PLB1: variants seen among roughly 807,000 people sequenced by gnomAD.
The protein encoded by PLB1 is phospholipase B1.
Under a neutral mutation model 227.4 loss-of-function variants are expected in PLB1, and 242 were observed. That is an observed-to-expected ratio of 1.06 (90% CI 0.96 to 1.18). PLB1 has a LOEUF of 1.18. PLB1 is among the 50% of genes most tolerant of loss of function. The pLI is 0.00. For missense variants in PLB1, 1,858 were observed against 1,816.3 expected (o/e 1.02, Z -0.42); for synonymous variants, 757 against 682.2 (o/e 1.11, Z -1.71).
chr2:28,592,528 T>C, intron 31 of PLB1, 133 bp from the exon 32 acceptor site: 1 of 866,572 alleles, frequency 1.2e-6, no homozygotes, highest in Non-Finnish European at 2.0e-6. Flanking sequence ...TCCATGGCAC[T>C]GTGCACACCC....
intron 18 of PLB1, 147 bp from the exon 19 acceptor site, chr2:28,565,133 T>C (rs1205280459): frequency 1.6e-6 from 1 of 633,560 alleles, no homozygotes; most frequent in South Asian, 1.9e-5. Context: ...AGGATACATA[T>C]GGAGACATGG....
chr2:28,643,179 G>T lies in PLB1; in HGVS notation c.*118G>T. ...ATGCCTGGTGCCATAGGAAGCCCAGGGGACAGTCACAACTTCTTGGGGCCT... is the reference window on the plus strand; with the variant it reads ...ATGCCTGGTGCCATAGGAAGCCCAGTGGACAGTCACAACTTCTTGGGGCCT... On this transcript the variant is annotated 3_prime_UTR_variant, in exon 58 of 58. Transcript: ENST00000327757. The T allele has an allele frequency of 1.0e-6, 1 of 997,952 alleles. No homozygotes were observed. The allele number at this position is 997,952 out of a possible 1,614,324, so 61.8% of individuals were successfully genotyped here. A position where few individuals can be genotyped will look rare whatever the true frequency, so the allele number is the denominator to read the frequency against.
At chr2:28,584,357 G>A (rs1486403568) in intron 25 of PLB1, among the ~76,000 whole-genome samples, 1 of 152,256 alleles carries the variant, frequency 6.6e-6, no homozygotes, top group Non-Finnish European at 1.5e-5. Flanking sequence ...GCAGAGACAG[G>A]ATGGTTGCTT....
chr2:28,641,109 C>A, intron 57 of PLB1, 108 bp downstream of exon 57: 2 of 998,536 alleles, frequency 2.0e-6, no homozygotes, highest in Non-Finnish European at 2.9e-6. Flanking sequence ...TCAAATGCGG[C>A]TTCACTCACT....
intron 4 of PLB1, among the ~76,000 whole-genome samples, chr2:28,523,985 C>A (rs1669887589): frequency 1.3e-5 from 2 of 152,180 alleles, no homozygotes; most frequent in African/African-American, 4.8e-5. Context: ...TTGTTTGTCT[C>A]CCTGGGAGAT....
At chr2:28,552,550 T>C (rs146835364) in intron 16 of PLB1, among the ~76,000 whole-genome samples, 53 of 152,296 alleles carry the variant, frequency 3.5e-4, no homozygotes, top group African/African-American at 1.1e-3. Context: ...CCTGCCTTCA[T>C]TGAGAACTTG....
At chr2:28,550,507 A>C (rs777967195) in intron 16 of PLB1, among the ~76,000 whole-genome samples, 1 of 144,354 alleles carries the variant, frequency 6.9e-6, no homozygotes. Context: ...AACTGGCCAG[A>C]TTTGCAACCT....
At chr2:28,542,218 C>G (rs1672608550) in intron 13 of PLB1, among the ~76,000 whole-genome samples, 1 of 152,190 alleles carries the variant, frequency 6.6e-6, no homozygotes, top group South Asian at 2.1e-4. Context: ...CCACCTTACC[C>G]CAATAAGCCT....
intron 6 of PLB1, among the ~76,000 whole-genome samples, chr2:28,528,297 TGGG>T (rs1176194911): frequency 6.6e-6 from 1 of 152,100 alleles, no homozygotes; most frequent in African/African-American, 2.4e-5. Context: ...AAAGGGGAGT[TGGG>T]GGGAGGAGTG....
intron 1 of PLB1, among the ~76,000 whole-genome samples, chr2:28,512,790 T>G (rs1381250336): frequency 6.6e-6 from 1 of 152,150 alleles, no homozygotes; most frequent in East Asian, 1.9e-4. Flanking sequence ...TCAAACACCT[T>G]GAGACCATAA....
In PLB1 at chr2:28,593,764, A is replaced by C; in HGVS notation, c.2321+10A>C. On this transcript the variant is annotated intron_variant, in intron 33 of 57. Coordinates refer to ENST00000327757, the MANE Select transcript of PLB1 (RefSeq NM_153021.5). ...GGGGACTGTCATACAGGTAATGTTA[A>C]CCTTTGACCTCTCCCAGCGTTCCCC... 1.2e-6 allele frequency: 2 copies of C among 1,610,734 alleles called. No homozygotes were observed. The highest frequency in any genetic ancestry group is 1.7e-6 in the Non-Finnish European group (2 of 1,177,258).
intron 35 of PLB1, among the ~76,000 whole-genome samples, chr2:28,599,909 T>C (rs922496435): frequency 1.3e-5 from 2 of 152,052 alleles, no homozygotes; most frequent in Non-Finnish European, 2.9e-5. Context: ...CCACTGCACC[T>C]GGCCTTTTTT....
At position 28,641,728 on chromosome 2, in the gene PLB1, C is replaced by T. The variant is rs746766395; in HGVS notation, c.4173+727C>T. ...GGAGCCTGCAATGGTCTTCCTCCCTCGCCACACCCACTGCCCTTGCCTGGC... is the reference window on the plus strand; with the variant it reads ...GGAGCCTGCAATGGTCTTCCTCCCTTGCCACACCCACTGCCCTTGCCTGGC... On this transcript the variant is annotated intron_variant, in intron 57 of 57. Coordinates refer to ENST00000327757, the MANE Select transcript of PLB1 (RefSeq NM_153021.5). Among the ~76,000 whole-genome samples, 7 of 152,102 alleles carry T rather than the reference C, an allele frequency of 4.6e-5. No individual in the cohort carries two copies. In the South Asian group the frequency reaches 6.2e-4, roughly 14 times the overall value.
At position 28,599,736 on chromosome 2, in the gene PLB1, C is replaced by T. The variant is rs1007866949; in HGVS notation, c.2474+976C>T. 3.9e-5 allele frequency among the ~76,000 whole-genome samples: 6 copies of T among 152,292 alleles called. No individual in the cohort carries two copies. The South Asian group carries it at 6.2e-4, about 16-fold the overall frequency. The stretch of plus-strand genomic sequence containing the variant: ...GGTTCAAGTGATTCTTGTGCCTCAG[C>T]CTCCGAGTAGCTGGGATTACAGGCT... On this transcript the variant is annotated intron_variant, in intron 35 of 57. Transcript: ENST00000327757.
chr2:28,598,725 A>T lies in PLB1; in HGVS notation c.2439A>T (p.Ala813=). 6.2e-7 allele frequency: 1 copy of T among 1,614,254 alleles called. No homozygotes were observed. Among genetic ancestry groups the T allele is most frequent in the Non-Finnish European group, 8.5e-7 (1 of 1,180,030 alleles). ...VGTGDANDTN[A]FLNQAVPGAK... ...CGGGTGATGCCAATGACACGAATGC[A>T]TTCCTCAATCAAGCTGTTCCCGGAG... The change falls in exon 35 of 58, where the codon GCA becomes GCT. Residue 813 remains alanine (A), a synonymous_variant. Coordinates refer to ENST00000327757, the MANE Select transcript of PLB1 (RefSeq NM_153021.5).
intron 13 of PLB1, among the ~76,000 whole-genome samples, 164 bp from the exon 14 acceptor site, chr2:28,543,048 G>A (rs1415429535): frequency 2.6e-5 from 4 of 152,148 alleles, no homozygotes; most frequent in African/African-American, 9.7e-5. Context: ...GACCCCAGAC[G>A]GTGGTCCCAT....
rs540584872 is a variant in PLB1, at chr2:28,581,690, A to G, written c.1567-378A>G. On this transcript the variant is annotated intron_variant, in intron 23 of 57. Transcript: ENST00000327757. ...ATACAGAAAGAAGGGGACTCTGGCC[A>G]GGTGCGGTGGCTCATACCTGTAATC... Among the ~76,000 whole-genome samples, 7 of 152,198 alleles carry G rather than the reference A, an allele frequency of 4.6e-5. No homozygotes were observed. The South Asian group carries it at 1.0e-3, about 23-fold the overall frequency.
chr2:28,598,288 G>A (rs974744885), intron 34 of PLB1, among the ~76,000 whole-genome samples: 3 of 152,180 alleles, frequency 2.0e-5, no homozygotes. Flanking sequence ...TTCAATCTCC[G>A]ATGTGCTTGT....
chr2:28,594,110 T>C, intron 33 of PLB1: 1 of 564,228 alleles, frequency 1.8e-6, no homozygotes. Flanking sequence ...TACGTCTCTG[T>C]TTACTGTCTT....
Sources: allele counts gnomAD v4.1 joint callset (sites outside exome capture counted in the v4.1 genomes callset), GRCh38; gene constraint gnomAD v4.1.1; transcripts MANE v1.5; gene names NCBI Gene and HGNC (gene_info 2026-07-23, HGNC 2026-07-21).